The following CASP8 variants were observed in gnomAD, a reference collection of about 807,000 sequenced individuals.
CASP8 encodes the protein caspase 8, also known as caspase-8.
A neutral mutation model predicts 46.3 loss-of-function variants in CASP8; 24 were observed. That is an observed-to-expected ratio of 0.52 (90% CI 0.38 to 0.73). CASP8 has a LOEUF of 0.73. CASP8 is among the 30% of genes least tolerant of loss of function. The pLI, the probability that CASP8 is intolerant of heterozygous loss-of-function variation, is 0.00. For missense variants in CASP8, 460 were observed against 559.0 expected, an observed-to-expected ratio of 0.82 and a Z score of 1.79; for synonymous variants, 188 against 200.4, an observed-to-expected ratio of 0.94 and a Z score of 0.52.
intron 2 of CASP8, among the ~76,000 whole-genome samples, chr2:201,252,903 A>G (rs1559336772): frequency 6.6e-6 from 1 of 152,208 alleles, no homozygotes. Context: ...GGAGGGGGAA[A>G]AAAAAGGAAT....
chr2:201,286,994 C>CT lies in CASP8; in HGVS notation c.*406dup. On this transcript the variant is annotated 3_prime_UTR_variant, in exon 9 of 9. Coordinates refer to ENST00000673742, the MANE Select transcript of CASP8 (RefSeq NM_001372051.1). The stretch of plus-strand genomic sequence containing the variant: ...TTTCTACTTTATTAATTGTTTTGCA[C>CT]TTTTTTATAAGAGCTAAAGTTAAAT... The CT allele has an allele frequency of 4.4e-6, 1 of 226,826 alleles. No individual in the cohort carries two copies. Among genetic ancestry groups the CT allele is most frequent in the Non-Finnish European group, 9.1e-6 (1 of 110,346 alleles). The allele number at this position is 226,826 out of a possible 1,614,324, so 14.1% of individuals were successfully genotyped here. A position where few individuals can be genotyped will look rare whatever the true frequency, so the allele number is the denominator to read the frequency against.
At chr2:201,236,969 C>T (rs915720464) in intron 2 of CASP8, among the ~76,000 whole-genome samples, 3 of 152,154 alleles carry the variant, frequency 2.0e-5, no homozygotes, top group African/African-American at 7.2e-5. Flanking sequence ...ATTTCTATCC[C>T]CACCCTCCTG....
rs532717438 is a variant in CASP8 at position 201,279,404 on chromosome 2, G to C, written c.802+2436G>C. ...TGGAGTCAGATCTCTAAACCAACTT[G>C]GTTCCAAGACACTGGCAGCAGATAC... is the stretch of plus-strand genomic sequence containing the variant. On this transcript the variant is annotated intron_variant, in intron 7 of 8. Coordinates refer to ENST00000673742, the MANE Select transcript of CASP8 (RefSeq NM_001372051.1). Among the ~76,000 whole-genome samples, 4 of 152,292 alleles carry C rather than the reference G, an allele frequency of 2.6e-5. No homozygotes were observed. In the South Asian group the frequency reaches 8.3e-4, roughly 32 times the overall value.
chr2:201,258,604 T>C (rs1049492621), upstream of CASP8, among the ~76,000 whole-genome samples: 1 of 152,210 alleles, frequency 6.6e-6, no homozygotes, highest in Non-Finnish European at 1.5e-5. Context: ...CTCCAGTTCC[T>C]CTGCTACCTT....
intron 1 of CASP8, among the ~76,000 whole-genome samples, chr2:201,261,025 C>T (rs1357046127): frequency 6.6e-6 from 1 of 152,126 alleles, no homozygotes; most frequent in Non-Finnish European, 1.5e-5. Flanking sequence ...ACACACTTGC[C>T]AACATAAACG....
intron 2 of CASP8, among the ~76,000 whole-genome samples, chr2:201,269,134 T>C (rs1449984167): frequency 1.3e-5 from 2 of 151,886 alleles, no homozygotes; most frequent in East Asian, 3.9e-4. Context: ...GAGATGGAGT[T>C]TCAAAATGTT....
intron 1 of CASP8, among the ~76,000 whole-genome samples, chr2:201,265,139 A>G (rs112812250): frequency 6.6e-6 from 1 of 152,212 alleles, no homozygotes; most frequent in Admixed American, 6.5e-5. Flanking sequence ...TTTGAAAACT[A>G]AAAGTTTTGG....
At position 201,272,870 on chromosome 2, in the gene CASP8, T is replaced by C; in HGVS notation, c.551-28T>C. 6.2e-7 allele frequency: 1 copy of C among 1,614,034 alleles called. No homozygotes were observed. Among genetic ancestry groups the C allele is most frequent in the Non-Finnish European group, 8.5e-7 (1 of 1,179,900 alleles). Reference sequence around the variant, plus strand: ...TATCACAGTTGTTTCTAATCAAATATTGTTTGGGGTTTCCCCTTTTAATTC... The same window carrying C: ...TATCACAGTTGTTTCTAATCAAATACTGTTTGGGGTTTCCCCTTTTAATTC... On this transcript the variant is annotated intron_variant, in intron 4 of 8. Coordinates refer to ENST00000673742, the MANE Select transcript of CASP8 (RefSeq NM_001372051.1). The surrounding 1 kb of genome is among the most constrained non-coding windows in gnomAD (Gnocchi z 4.4).
Position 201,266,607 on chromosome 2 carries a change from G to C in CASP8, c.121G>C (p.Ala41Pro). The change falls in exon 2 of 9, where the codon GCC becomes CCC. Residue 41 changes from alanine (A) to proline (P), a missense_variant. Physicochemically the swap from Ala to Pro is conservative, Grantham distance 27 (BLOSUM62 -1). Coordinates refer to ENST00000673742, the MANE Select transcript of CASP8 (RefSeq NM_001372051.1). The surrounding 1 kb of genome is among the most constrained non-coding windows in gnomAD (Gnocchi z 5.7). ...PQRKQEPIKD[A>P]LMLFQRLQEK... ...AAGGAAGCAAGAACCCATCAAGGATGCCTTGATGTTATTCCAGAGACTCCA... is the reference window on the plus strand; with the variant it reads ...AAGGAAGCAAGAACCCATCAAGGATCCCTTGATGTTATTCCAGAGACTCCA... 1 of 1,614,152 alleles carries C rather than the reference G, an allele frequency of 6.2e-7. No individual in the cohort carries two copies. The highest frequency in any genetic ancestry group is 8.5e-7 in the Non-Finnish European group (1 of 1,179,988).
chr2:201,266,684 C>G lies in CASP8; in HGVS notation c.198C>G (p.Leu66=). 6.2e-7 allele frequency: 1 copy of G among 1,614,044 alleles called. No individual in the cohort carries two copies. Among genetic ancestry groups the G allele is most frequent in the Non-Finnish European group, 8.5e-7 (1 of 1,179,942 alleles). ...ATCTGTCCTTCCTGAAGGAGCTGCT[C>G]TTCCGAATTAATAGACTGGATTTGC... ...ESNLSFLKEL[L]FRINRLDLLI... The change falls in exon 2 of 9, where the codon CTC becomes CTG. Residue 66 remains leucine (L), a synonymous_variant. Transcript: ENST00000673742. This position sits in a 1 kb window ranked among gnomAD's most constrained non-coding sequence, Gnocchi z 5.7.
intron 1 of CASP8, among the ~76,000 whole-genome samples, chr2:201,262,787 C>T (rs906565463): frequency 1.3e-5 from 2 of 152,190 alleles, no homozygotes; most frequent in Non-Finnish European, 2.9e-5. Flanking sequence ...AACTGCCACA[C>T]GATGTCTCTC....
chr2:201,239,036 C>T (rs370758214), intron 2 of CASP8, among the ~76,000 whole-genome samples: 7 of 152,272 alleles, frequency 4.6e-5, no homozygotes, highest in East Asian at 1.9e-4. Flanking sequence ...TTAATCCATT[C>T]AACCCTGAGT....
chr2:201,285,342 C>T (rs2125493520), intron 8 of CASP8, 25 bp downstream of exon 8: 1 of 1,611,492 alleles, frequency 6.2e-7, no homozygotes, highest in Non-Finnish European at 8.5e-7. Context: ...CTCAGCCCTC[C>T]TCACTGTTAC....
chr2:201,261,164 G>A (rs1449929475), intron 1 of CASP8, among the ~76,000 whole-genome samples: 10 of 152,132 alleles, frequency 6.6e-5, no homozygotes, highest in Admixed American at 2.6e-4. Flanking sequence ...AGGTCGAGGC[G>A]GTGGTTCACC....
chr2:201,244,310 A>C (rs1010515715), intron 2 of CASP8, among the ~76,000 whole-genome samples: 1 of 152,244 alleles, frequency 6.6e-6, no homozygotes, highest in East Asian at 1.9e-4. Flanking sequence ...GCATTTTGTC[A>C]AATTCACTGG....
At chr2:201,249,508 CATCTGCGT>C (rs769284030) in intron 2 of CASP8, among the ~76,000 whole-genome samples, 1 of 152,338 alleles carries the variant, frequency 6.6e-6, no homozygotes, top group African/African-American at 2.4e-5. Flanking sequence ...GCTTATTTGC[CATCTGCGT>C]ATCTTTTTGT....
chr2:201,251,678 G>A (rs932858611), intron 2 of CASP8, among the ~76,000 whole-genome samples: 3 of 151,380 alleles, frequency 2.0e-5, no homozygotes, highest in Admixed American at 2.0e-4. Context: ...GGAGGCAGGT[G>A]TATTATTTGA....
At chr2:201,238,527 C>A (rs993104872) in intron 2 of CASP8, among the ~76,000 whole-genome samples, 3 of 151,802 alleles carry the variant, frequency 2.0e-5, no homozygotes, top group Non-Finnish European at 1.5e-5. Flanking sequence ...CTGCAACCTC[C>A]GCCTCCTGGG....
At chr2:201,284,415 T>C (rs1175440214) in intron 7 of CASP8, among the ~76,000 whole-genome samples, 10 of 74,474 alleles carry the variant, frequency 1.3e-4, no homozygotes, top group Non-Finnish European at 2.4e-4. Flanking sequence ...AGACTCCATC[T>C]GCAATCCCGG....
Sources: gnomAD v4.1 joint callset for allele counts (sites outside exome capture counted in the v4.1 genomes callset) on GRCh38, gnomAD v4.1.1 for gene constraint, Gnocchi (gnomAD v3.1) non-coding constraint, MANE v1.5 for transcripts, NCBI Gene and HGNC (gene_info 2026-07-23, HGNC 2026-07-21) for gene names.